Variants in CYSTM1 observed in about 807,000 individuals in gnomAD.
CYSTM1 encodes cysteine rich transmembrane module containing 1.
CYSTM1 carries 4 observed loss-of-function variants against 13.1 expected under a neutral mutation model. The observed-to-expected ratio is 0.31, with a 90% CI of 0.15 to 0.70. The LOEUF is 0.70. CYSTM1 is among the 30% of genes least tolerant of loss of function. The probability of loss-of-function intolerance (pLI) is 0.72; values close to 1 mark genes in which losing one functional copy is unlikely to be tolerated. For synonymous variants in CYSTM1, 36 were observed against 42.7 expected (o/e 0.84, Z 0.62); for missense variants, 96 against 121.6 (o/e 0.79, Z 0.99).
At chr5:140,197,063 T>C (rs1224499508) in intron 2 of CYSTM1, among the ~76,000 whole-genome samples, 2 of 152,222 alleles carry the variant, frequency 1.3e-5, no homozygotes, top group African/African-American at 4.8e-5. Flanking sequence ...ACCCAATGCC[T>C]GCCTGGTGTT....
intron 1 of CYSTM1, among the ~76,000 whole-genome samples, chr5:140,181,237 C>T (rs1173816067): frequency 6.6e-6 from 1 of 152,114 alleles, no homozygotes; most frequent in African/African-American, 2.4e-5. Context: ...ATTCTGTGAG[C>T]CCTTATTGTT....
chr5:140,229,022 T>G (rs988320441), intron 2 of CYSTM1: 2 of 385,968 alleles, frequency 5.2e-6, no homozygotes, highest in Non-Finnish European at 9.1e-6. Context: ...ACTAGTGACC[T>G]TGAACATAAA....
intron 1 of CYSTM1, among the ~76,000 whole-genome samples, chr5:140,188,692 T>C (rs1764052840): frequency 6.8e-6 from 1 of 146,084 alleles, no homozygotes; most frequent in Non-Finnish European, 1.5e-5. Flanking sequence ...ATCAGGAGAC[T>C]GGCGTGAACC....
At chr5:140,238,561 C>G (rs7705090) in intron 2 of CYSTM1, among the ~76,000 whole-genome samples, 29,483 of 152,168 alleles carry the variant, frequency 0.19, 3,051 homozygotes, top group South Asian at 0.24. Flanking sequence ...TTGTTCTCAT[C>G]AGTGTAGCCC....
At chr5:140,194,721 G>A in intron 2 of CYSTM1, 69 bp downstream of exon 2, 2 of 1,511,248 alleles carry the variant, frequency 1.3e-6, no homozygotes, top group Non-Finnish European at 1.8e-6. Flanking sequence ...TGTTTTCTTT[G>A]GCAGAGAAGA....
At chr5:140,209,565 G>T (rs556663817) in intron 2 of CYSTM1, among the ~76,000 whole-genome samples, 1 of 152,236 alleles carries the variant, frequency 6.6e-6, no homozygotes, top group East Asian at 1.9e-4. Context: ...GAATAGCTGG[G>T]ACTACAGGTG....
chr5:140,240,147 AGGT>A (rs1014870309), intron 2 of CYSTM1, among the ~76,000 whole-genome samples: 2 of 151,242 alleles, frequency 1.3e-5, no homozygotes, highest in African/African-American at 4.9e-5. Flanking sequence ...GTGCCCAGAA[AGGT>A]GGTGCCTGTT....
At chr5:140,183,652 G>T (rs1327891977) in intron 1 of CYSTM1, among the ~76,000 whole-genome samples, 1 of 152,214 alleles carries the variant, frequency 6.6e-6, no homozygotes, top group Non-Finnish European at 1.5e-5. Context: ...TATGGGGAAG[G>T]TATTATAATC....
chr5:140,189,658 T>G lies in CYSTM1; in HGVS notation c.-20-4788T>G, dbSNP rs958027581. Among the ~76,000 whole-genome samples, 3 of 152,202 alleles carry G rather than the reference T, an allele frequency of 2.0e-5. No individual in the cohort carries two copies. The East Asian group carries it at 5.8e-4, about 29-fold the overall frequency. ...ATTGTTTTGGGGTCATTTTCTACTGTGAAAATATATAATAATTGTTCTGCT... is the reference window on the plus strand; with the variant it reads ...ATTGTTTTGGGGTCATTTTCTACTGGGAAAATATATAATAATTGTTCTGCT... On this transcript the variant is annotated intron_variant, in intron 1 of 2. Transcript: ENST00000261811.
Position 140,230,151 on chromosome 5 carries a change from C to T in CYSTM1, c.188-13154C>T, listed in dbSNP as rs929032610. Reference sequence around the variant, plus strand: ...CCTCCCAAAGTGCTGGGATTACAGGCGTAAGCCACCGCGCACCTGGCCCTG... The same window carrying T: ...CCTCCCAAAGTGCTGGGATTACAGGTGTAAGCCACCGCGCACCTGGCCCTG... On this transcript the variant is annotated intron_variant, in intron 2 of 2. Coordinates refer to ENST00000261811, the MANE Select transcript of CYSTM1 (RefSeq NM_032412.4). This position sits in a 1 kb window ranked among gnomAD's most constrained non-coding sequence, Gnocchi z 4.1. Among the ~76,000 whole-genome samples the T allele has an allele frequency of 3.9e-5, 6 of 152,192 alleles. No homozygotes were observed. The highest frequency in any genetic ancestry group is 1.3e-4 in the Admixed American group (2 of 15,282).
intron 1 of CYSTM1, among the ~76,000 whole-genome samples, chr5:140,188,911 G>A (rs1318173936): frequency 1.3e-5 from 2 of 151,884 alleles, no homozygotes; most frequent in African/African-American, 4.8e-5. Context: ...TTACAATAAA[G>A]TTTGAAAATC....
intron 2 of CYSTM1, among the ~76,000 whole-genome samples, chr5:140,213,011 G>GT (rs1554132969): frequency 1.3e-5 from 1 of 79,238 alleles, no homozygotes; most frequent in Non-Finnish European, 2.8e-5. Flanking sequence ...ATATATATAT[G>GT]AGAGAGAGAG....
chr5:140,225,124 G>A (rs1213070087), intron 2 of CYSTM1, among the ~76,000 whole-genome samples: 1 of 152,216 alleles, frequency 6.6e-6, no homozygotes, highest in African/African-American at 2.4e-5. Context: ...TGACGCTGAG[G>A]TGAGTTATGA....
chr5:140,206,021 T>C (rs1698287858), intron 2 of CYSTM1, among the ~76,000 whole-genome samples: 1 of 152,214 alleles, frequency 6.6e-6, no homozygotes, highest in Non-Finnish European at 1.5e-5. Flanking sequence ...AGTCCCTTTG[T>C]GAGCGGGCTG....
chr5:140,227,421 C>T (rs1764570553), intron 2 of CYSTM1, among the ~76,000 whole-genome samples: 1 of 152,072 alleles, frequency 6.6e-6, no homozygotes, highest in African/African-American at 2.4e-5. Context: ...TGATAGCATC[C>T]CCTACTTGCC....
intron 1 of CYSTM1, among the ~76,000 whole-genome samples, chr5:140,182,623 G>A (rs982512449): frequency 2.6e-5 from 4 of 151,122 alleles, no homozygotes; most frequent in African/African-American, 9.7e-5. Flanking sequence ...GGGGGCAGGA[G>A]GGATGCTTTT....
At chr5:140,190,394 G>C (rs1357206312) in intron 1 of CYSTM1, among the ~76,000 whole-genome samples, 1 of 152,146 alleles carries the variant, frequency 6.6e-6, no homozygotes, top group Non-Finnish European at 1.5e-5. Flanking sequence ...GTATGAGGCA[G>C]TAAATAGTCC....
At chr5:140,190,406 T>C (rs893439807) in intron 1 of CYSTM1, among the ~76,000 whole-genome samples, 2 of 152,166 alleles carry the variant, frequency 1.3e-5, no homozygotes, top group Non-Finnish European at 2.9e-5. Flanking sequence ...AAATAGTCCA[T>C]TAGAAGTTCA....
chr5:140,228,598 G>C (rs1190591200), intron 2 of CYSTM1: 1 of 395,348 alleles, frequency 2.5e-6, no homozygotes, highest in Non-Finnish European at 4.5e-6. Context: ...CCCCTGCCCT[G>C]CCCTTGTGGA....
Sources: gnomAD v4.1 joint callset for allele counts (sites outside exome capture counted in the v4.1 genomes callset) on GRCh38, gnomAD v4.1.1 for gene constraint, Gnocchi (gnomAD v3.1) non-coding constraint, MANE v1.5 for transcripts, NCBI Gene and HGNC (gene_info 2026-07-23, HGNC 2026-07-21) for gene names.